Variants in PHACTR1 observed in about 807,000 individuals in gnomAD.
PHACTR1 encodes the protein phosphatase and actin regulator 1.
Under a neutral mutation model 69.2 loss-of-function variants are expected in PHACTR1, and 16 were observed. The ratio of observed to expected loss-of-function variants is 0.23; its 90% CI spans 0.16 to 0.35. PHACTR1 has a LOEUF of 0.35. Among genes scored for constraint, PHACTR1 ranks in the 10% least tolerant of loss-of-function variants. PHACTR1 has a pLI of 1.00. For synonymous variants in PHACTR1, 312 were observed against 284.5 expected (o/e 1.10, Z -0.97); for missense variants, 510 against 734.7 (o/e 0.69, Z 3.54).
chr6:13,151,314 T>A (rs1037899455), intron 5 of PHACTR1, among the ~76,000 whole-genome samples: 3 of 152,236 alleles, frequency 2.0e-5, no homozygotes, highest in African/African-American at 7.2e-5. Flanking sequence ...CAGGACCAAA[T>A]GACTTGTTCT....
chr6:13,206,192 G>A (rs1329819000), intron 8 of PHACTR1, 56 bp downstream of exon 8: 5 of 1,458,620 alleles, frequency 3.4e-6, no homozygotes, highest in African/African-American at 1.4e-5. Context: ...TGGGGAGGGG[G>A]GCCTAGGGAT....
chr6:13,208,637 C>T (rs953273384), intron 8 of PHACTR1, among the ~76,000 whole-genome samples: 3 of 151,102 alleles, frequency 2.0e-5, no homozygotes, highest in East Asian at 2.0e-4. Flanking sequence ...GCCCACCCCC[C>T]CAACCCCATG....
chr6:12,999,087 G>A (rs576679248), intron 4 of PHACTR1, among the ~76,000 whole-genome samples: 3 of 152,282 alleles, frequency 2.0e-5, no homozygotes, highest in South Asian at 4.1e-4. Context: ...TGACACAGCA[G>A]TTCTACTTAT....
intron 4 of PHACTR1, among the ~76,000 whole-genome samples, chr6:12,984,870 A>G (rs1378522439): frequency 6.6e-6 from 1 of 152,230 alleles, no homozygotes; most frequent in Non-Finnish European, 1.5e-5. Flanking sequence ...ATAAACAGGA[A>G]GCCCAGGAGA....
At chr6:12,977,357 C>T (rs985168519) in intron 4 of PHACTR1, among the ~76,000 whole-genome samples, 5 of 140,574 alleles carry the variant, frequency 3.6e-5, no homozygotes, top group African/African-American at 1.3e-4. Context: ...TCCTCCTCTT[C>T]CTTCTACTTC....
intron 12 of PHACTR1, chr6:13,280,966 C>T (rs1313446029): frequency 1.6e-6 from 2 of 1,289,118 alleles, no homozygotes; most frequent in Non-Finnish European, 2.0e-6. Context: ...TTTGTTAGTG[C>T]TGGGGTCCGT....
chr6:12,875,912 A>G (rs570837011), intron 4 of PHACTR1, among the ~76,000 whole-genome samples: 13 of 152,324 alleles, frequency 8.5e-5, no homozygotes, highest in South Asian at 4.1e-4. Flanking sequence ...CGCTGCGTGG[A>G]AAAACCAGGA....
At chr6:12,828,473 G>A (rs146723340) in intron 4 of PHACTR1, among the ~76,000 whole-genome samples, 6 of 152,152 alleles carry the variant, frequency 3.9e-5, no homozygotes, top group African/African-American at 4.8e-5. Context: ...ATACTCTATG[G>A]TGGAATTTCT....
chr6:12,761,827 T>C (rs1768050337), intron 4 of PHACTR1, among the ~76,000 whole-genome samples: 1 of 152,204 alleles, frequency 6.6e-6, no homozygotes, highest in Non-Finnish European at 1.5e-5. Context: ...CCTTCCTTTC[T>C]GAAGTGGGGA....
intron 4 of PHACTR1, among the ~76,000 whole-genome samples, chr6:12,855,240 C>T (rs1296484505): frequency 6.6e-6 from 1 of 152,192 alleles, no homozygotes; most frequent in Admixed American, 6.5e-5. Context: ...ATAGCCCATG[C>T]CTGTAATCCT....
intron 4 of PHACTR1, among the ~76,000 whole-genome samples, chr6:12,767,292 C>T (rs1768752426): frequency 6.6e-6 from 1 of 152,196 alleles, no homozygotes; most frequent in Non-Finnish European, 1.5e-5. Context: ...AACAACTGTT[C>T]AGAATTCCCC....
intron 5 of PHACTR1, among the ~76,000 whole-genome samples, chr6:13,117,737 A>C (rs1318086931): frequency 6.6e-6 from 1 of 152,208 alleles, no homozygotes; most frequent in Non-Finnish European, 1.5e-5. Flanking sequence ...CACAGATCAC[A>C]TGACTTTCTC....
intron 10 of PHACTR1, among the ~76,000 whole-genome samples, chr6:13,254,877 T>A (rs907084426): frequency 1.3e-5 from 2 of 152,212 alleles, no homozygotes; most frequent in Non-Finnish European, 2.9e-5. Flanking sequence ...ACATTATAGA[T>A]AGGAAATTCT....
At chr6:12,952,699 A>G (rs1293351236) in intron 4 of PHACTR1, among the ~76,000 whole-genome samples, 1 of 151,998 alleles carries the variant, frequency 6.6e-6, no homozygotes, top group African/African-American at 2.4e-5. Flanking sequence ...TTGTGTGGAC[A>G]TGAAGTTTTC....
chr6:12,818,198 G>A (rs1181432026), intron 4 of PHACTR1, among the ~76,000 whole-genome samples: 3 of 152,128 alleles, frequency 2.0e-5, no homozygotes, highest in African/African-American at 7.2e-5. Flanking sequence ...CCAGAAGTTA[G>A]CCTAAAACAA....
intron 4 of PHACTR1, among the ~76,000 whole-genome samples, chr6:12,809,160 T>C (rs1290708870): frequency 6.6e-6 from 1 of 152,162 alleles, no homozygotes; most frequent in East Asian, 1.9e-4. Flanking sequence ...AGTGCTGATG[T>C]TACAGGAGTA....
chr6:13,264,373 C>T lies in PHACTR1; in HGVS notation c.1392-8487C>T, dbSNP rs139397731. 3.1e-3 allele frequency among the ~76,000 whole-genome samples: 479 copies of T among 152,232 alleles called. 2 individuals are homozygous for T. The highest frequency in any genetic ancestry group is 0.011 in the African/African-American group (451 of 41,524). ...TTCAGCTTCTCCCTCCACCCCCCACCATCTAATCTGGATTATTTCCATTAA... is the reference window on the plus strand; with the variant it reads ...TTCAGCTTCTCCCTCCACCCCCCACTATCTAATCTGGATTATTTCCATTAA... On this transcript the variant is annotated intron_variant, in intron 10 of 14. Transcript: ENST00000332995.
intron 4 of PHACTR1, among the ~76,000 whole-genome samples, chr6:13,013,932 C>G (rs1204751295): frequency 2.0e-5 from 3 of 150,942 alleles, no homozygotes; most frequent in Non-Finnish European, 3.0e-5. Flanking sequence ...GTTTGCGCTC[C>G]GTTCGCCGCG....
chr6:13,024,719 G>A (rs565081142), intron 4 of PHACTR1, among the ~76,000 whole-genome samples: 3 of 152,102 alleles, frequency 2.0e-5, no homozygotes, highest in Admixed American at 6.6e-5. Context: ...GCCTGTGGTC[G>A]GAACACCACT....
Sources: allele counts gnomAD v4.1 joint callset (sites outside exome capture counted in the v4.1 genomes callset), GRCh38; gene constraint gnomAD v4.1.1; transcripts MANE v1.5; gene names NCBI Gene and HGNC (gene_info 2026-07-23, HGNC 2026-07-21).